Variants in RBFOX1 observed in about 807,000 individuals in gnomAD.
RBFOX1 encodes RNA binding protein fox-1 homolog 1.
In RBFOX1, 8 loss-of-function variants were observed where a neutral mutation model predicts 57.7. The observed-to-expected ratio is 0.14, with a 90% CI of 0.08 to 0.25. RBFOX1 has a LOEUF of 0.25. RBFOX1 is among the 10% of genes least tolerant of loss of function. The probability of loss-of-function intolerance (pLI) is 1.00; values close to 1 mark genes in which losing one functional copy is unlikely to be tolerated. For synonymous variants in RBFOX1, 326 were observed against 222.4 expected (o/e 1.47, Z -4.15); for missense variants, 611 against 548.5 (o/e 1.11, Z -1.14).
chr16:6,184,054 CA>C (rs2097088774), intron 1 of RBFOX1, among the ~76,000 whole-genome samples: 1 of 152,172 alleles, frequency 6.6e-6, no homozygotes, highest in South Asian at 2.1e-4. Context: ...GCATGTTTTA[CA>C]TGGTGGCAGG....
chr16:7,665,034 C>G, intron 13 of RBFOX1, 66 bp downstream of exon 13: 1 of 1,613,562 alleles, frequency 6.2e-7, no homozygotes, highest in Non-Finnish European at 8.5e-7. Context: ...TACAAGTTTG[C>G]TGTGAATTTC....
intron 3 of RBFOX1, among the ~76,000 whole-genome samples, chr16:6,846,113 T>C (rs189262899): frequency 2.8e-4 from 42 of 147,698 alleles, no homozygotes; most frequent in African/African-American, 1.0e-3. Flanking sequence ...GTATAGTCTT[T>C]GTTTTTCATT....
chr16:6,775,175 A>C (rs1302018863), intron 3 of RBFOX1, among the ~76,000 whole-genome samples: 2 of 151,100 alleles, frequency 1.3e-5, no homozygotes, highest in Admixed American at 6.6e-5. Flanking sequence ...AGTACAAAAA[A>C]AAAAAAAAAA....
chr16:6,884,339 C>T (rs1290336123), intron 3 of RBFOX1, among the ~76,000 whole-genome samples: 1 of 152,192 alleles, frequency 6.6e-6, no homozygotes. Flanking sequence ...GGGGACCTGG[C>T]AGCTTCTTCC....
At chr16:6,924,111 G>A (rs1025422564) in intron 3 of RBFOX1, among the ~76,000 whole-genome samples, 1 of 152,032 alleles carries the variant, frequency 6.6e-6, no homozygotes, top group Non-Finnish European at 1.5e-5. Flanking sequence ...GGAGGTTGCA[G>A]TGAGCTGAGA....
chr16:6,936,919 A>C (rs962074038), intron 3 of RBFOX1, among the ~76,000 whole-genome samples: 2 of 118,798 alleles, frequency 1.7e-5, no homozygotes, highest in African/African-American at 6.5e-5. Flanking sequence ...TCCTGTGTCC[A>C]TGTGATCTCA....
At chr16:6,273,026 G>A (rs1394112695) in intron 1 of RBFOX1, among the ~76,000 whole-genome samples, 3 of 152,126 alleles carry the variant, frequency 2.0e-5, no homozygotes, top group Admixed American at 6.5e-5. Flanking sequence ...TTGGGAGGCT[G>A]AGGCAGGTGA....
At chr16:7,314,179 C>T (rs1262617206) in intron 4 of RBFOX1, among the ~76,000 whole-genome samples, 3 of 152,148 alleles carry the variant, frequency 2.0e-5, no homozygotes, top group Admixed American at 6.5e-5. Context: ...GAGTGTATTT[C>T]TCCGCAACCA....
At chr16:5,393,837 C>G (rs2066478029) in intron 1 of RBFOX1, among the ~76,000 whole-genome samples, 1 of 152,136 alleles carries the variant, frequency 6.6e-6, no homozygotes, top group South Asian at 2.1e-4. Flanking sequence ...TTCATCTTCC[C>G]AAATAGAAGC....
intron 2 of RBFOX1, among the ~76,000 whole-genome samples, chr16:6,591,415 C>G (rs555825688): frequency 6.6e-6 from 1 of 152,180 alleles, no homozygotes; most frequent in African/African-American, 2.4e-5. Flanking sequence ...GATTGTACTA[C>G]TGCACTCCAG....
rs1165644198 is a variant in RBFOX1 at position 6,396,065 on chromosome 16, C to CAAAA, written c.-64+79027_-64+79030dup. Among the ~76,000 whole-genome samples the CAAAA allele has an allele frequency of 9.5e-3, 578 of 61,114 alleles. 15 individuals are homozygous for CAAAA. The highest frequency in any genetic ancestry group is 0.015 in the South Asian group (21 of 1,366). The allele number at this position is 61,114 out of a possible 152,430, so 40.1% of individuals were successfully genotyped here. On this transcript the variant is annotated intron_variant, in intron 2 of 15. Transcript: ENST00000550418. ...TGGGTGACAGAGCAAGACTCCTTCT[C>CAAAA]AAAAAAAAAAAAAAAAAAAAAAGGA...
chr16:6,448,561 T>G (rs542055519), intron 2 of RBFOX1, among the ~76,000 whole-genome samples: 1 of 152,262 alleles, frequency 6.6e-6, no homozygotes, highest in South Asian at 2.1e-4. Flanking sequence ...ATTCCTAGAC[T>G]TTACCTGCCC....
At chr16:6,043,517 A>T (rs2343568) in intron 1 of RBFOX1, among the ~76,000 whole-genome samples, 2 of 152,024 alleles carry the variant, frequency 1.3e-5, no homozygotes, top group Admixed American at 6.6e-5. Context: ...AATGATTTCT[A>T]TTTGAATGCT....
intron 4 of RBFOX1, among the ~76,000 whole-genome samples, chr16:7,487,952 G>A (rs992921908): frequency 1.3e-5 from 2 of 152,098 alleles, no homozygotes; most frequent in African/African-American, 4.8e-5. Flanking sequence ...TCTTGGAATG[G>A]ATTTTTTTTT....
chr16:6,914,046 C>G (rs898184418), intron 3 of RBFOX1, among the ~76,000 whole-genome samples: 4 of 152,184 alleles, frequency 2.6e-5, no homozygotes, highest in Non-Finnish European at 5.9e-5. Context: ...AATAGTGTTG[C>G]ATTCTGGGTT....
intron 4 of RBFOX1, among the ~76,000 whole-genome samples, chr16:5,989,409 G>A (rs190060660): frequency 6.6e-6 from 1 of 152,224 alleles, no homozygotes; most frequent in East Asian, 1.9e-4. Flanking sequence ...GAGAAAATAT[G>A]CAGGAAGAAC....
intron 4 of RBFOX1, among the ~76,000 whole-genome samples, chr16:7,500,008 C>T (rs1279939051): frequency 1.3e-5 from 2 of 152,142 alleles, no homozygotes; most frequent in Non-Finnish European, 2.9e-5. Flanking sequence ...ACCTTGACAT[C>T]ATGCAAAACC....
intron 4 of RBFOX1, among the ~76,000 whole-genome samples, chr16:7,398,932 A>G (rs188079012): frequency 3.6e-4 from 55 of 152,322 alleles, no homozygotes; most frequent in Admixed American, 2.2e-3. Flanking sequence ...TAGCTTTATA[A>G]CAATAGAAAT....
At chr16:5,370,461 T>TC (rs1555501783) in intron 1 of RBFOX1, among the ~76,000 whole-genome samples, 1 of 54,096 alleles carries the variant, frequency 1.8e-5, no homozygotes, top group Non-Finnish European at 4.6e-5. Context: ...AGCCTCCTCC[T>TC]CTTTTTTTTT....
Sources: allele counts gnomAD v4.1 joint callset (sites outside exome capture counted in the v4.1 genomes callset), GRCh38; gene constraint gnomAD v4.1.1; transcripts MANE v1.5; gene names NCBI Gene and HGNC (gene_info 2026-07-23, HGNC 2026-07-21).